The following TLE4 variants were observed in gnomAD, a reference collection of about 807,000 sequenced individuals.
The protein encoded by TLE4 is transducin-like enhancer protein 4.
Under a neutral mutation model 92.8 loss-of-function variants are expected in TLE4, and 8 were observed. That is an observed-to-expected ratio of 0.09 (90% CI 0.05 to 0.16). The LOEUF is 0.16. TLE4 is among the 10% of genes least tolerant of loss of function. The pLI, the probability that TLE4 is intolerant of heterozygous loss-of-function variation, is 1.00. For missense variants in TLE4, 675 were observed against 997.6 expected, an observed-to-expected ratio of 0.68 and a Z score of 4.36; for synonymous variants, 371 against 374.1, an observed-to-expected ratio of 0.99 and a Z score of 0.10.
chr9:79,646,459 G>T (rs2058115738), intron 6 of TLE4, among the ~76,000 whole-genome samples: 1 of 152,144 alleles, frequency 6.6e-6, no homozygotes. Context: ...TGACTTAATA[G>T]AAATATATTT....
intron 8 of TLE4, among the ~76,000 whole-genome samples, chr9:79,664,884 C>T (rs2061143581): frequency 6.6e-6 from 1 of 152,060 alleles, no homozygotes; most frequent in African/African-American, 2.4e-5. Context: ...CTCTTTGTGC[C>T]TCCCTTTTTT....
At chr9:79,623,460 A>G (rs1368456740) in intron 5 of TLE4, among the ~76,000 whole-genome samples, 1 of 152,156 alleles carries the variant, frequency 6.6e-6, no homozygotes, top group Non-Finnish European at 1.5e-5. Flanking sequence ...CTTTGTCTGA[A>G]CAAATGCCAG....
intron 7 of TLE4, 98 bp downstream of exon 7, chr9:79,652,892 C>A (rs755972445): frequency 7.9e-7 from 1 of 1,264,872 alleles, no homozygotes; most frequent in Admixed American, 1.7e-5. Context: ...TTTAGTTTTA[C>A]CAGTGACTAA....
chr9:79,605,922 C>G (rs974094290), intron 4 of TLE4, among the ~76,000 whole-genome samples: 2 of 152,038 alleles, frequency 1.3e-5, no homozygotes, highest in African/African-American at 2.4e-5. Flanking sequence ...GTTAAACTCC[C>G]TGGGGGAAGC....
At chr9:79,722,191 G>A (rs537086491) in intron 17 of TLE4, among the ~76,000 whole-genome samples, 10 of 152,000 alleles carry the variant, frequency 6.6e-5, no homozygotes, top group African/African-American at 1.2e-4. Context: ...AAAATGATAC[G>A]GTTTTATGAA....
intron 14 of TLE4, among the ~76,000 whole-genome samples, chr9:79,713,405 C>G (rs189726462): frequency 6.6e-6 from 1 of 152,290 alleles, no homozygotes; most frequent in Admixed American, 6.5e-5. Context: ...GTCTCTTATT[C>G]TCATCGCCAT....
At chr9:79,693,933 A>G (rs1032590566) in intron 8 of TLE4, among the ~76,000 whole-genome samples, 4 of 152,220 alleles carry the variant, frequency 2.6e-5, no homozygotes, top group Admixed American at 6.5e-5. Flanking sequence ...GCCAAATTGC[A>G]GTTGGCTCCA....
chr9:79,573,870 C>T lies in TLE4; in HGVS notation c.143+84C>T, dbSNP rs2036776112. ...ATACACACAAACACTTACCCTCCTCCTTTTTTGTGGGGGCGTCACAAAGGT... is the reference window on the plus strand; with the variant it reads ...ATACACACAAACACTTACCCTCCTCTTTTTTTGTGGGGGCGTCACAAAGGT... On this transcript the variant is annotated intron_variant, in intron 2 of 19. Coordinates refer to ENST00000376552, the MANE Select transcript of TLE4 (RefSeq NM_007005.6). The T allele has an allele frequency of 4.0e-6, 4 of 1,002,246 alleles. No individual in the cohort carries two copies. In the South Asian group the frequency reaches 1.2e-4, roughly 29 times the overall value. 62.1% of individuals were successfully genotyped at this position (1,002,246 alleles called of 1,614,324 possible). A position where few individuals can be genotyped will look rare whatever the true frequency, so the allele number is the denominator to read the frequency against.
At chr9:79,678,981 A>G (rs1401913886) in intron 8 of TLE4, among the ~76,000 whole-genome samples, 2 of 152,106 alleles carry the variant, frequency 1.3e-5, no homozygotes, top group East Asian at 1.9e-4. Flanking sequence ...ATAGTATTCC[A>G]TGATGTATAT....
At chr9:79,664,853 C>G (rs141872187) in intron 8 of TLE4, among the ~76,000 whole-genome samples, 421 of 152,254 alleles carry the variant, frequency 2.8e-3, no homozygotes, top group Admixed American at 6.8e-3. Context: ...TTTCAATTCC[C>G]TTCTCTTTTC....
intron 8 of TLE4, among the ~76,000 whole-genome samples, chr9:79,671,995 CTTTTTTTTT>C (rs773064446): frequency 3.5e-3 from 118 of 33,710 alleles, no homozygotes; most frequent in African/African-American, 0.015. Flanking sequence ...AAACAAAACA[CTTTTTTTTT>C]TTTTTTTTTT....
At chr9:79,616,563 T>C (rs182027624) in intron 5 of TLE4, among the ~76,000 whole-genome samples, 173 of 152,266 alleles carry the variant, frequency 1.1e-3, no homozygotes, top group African/African-American at 3.7e-3. Context: ...AATGTCCTTA[T>C]AGAAGAAAAA....
At chr9:79,660,388 A>G (rs2060357196) in intron 8 of TLE4, among the ~76,000 whole-genome samples, 1 of 152,260 alleles carries the variant, frequency 6.6e-6, no homozygotes. Flanking sequence ...CCATTAGCCA[A>G]GTAAACACAG....
intron 5 of TLE4, among the ~76,000 whole-genome samples, chr9:79,625,635 T>C (rs2052420315): frequency 6.6e-6 from 1 of 152,096 alleles, no homozygotes; most frequent in South Asian, 2.1e-4. Context: ...AATGTGAACA[T>C]GAGCTCTGTG....
Position 79,671,995 on chromosome 9 carries a change from C to CTTTT in TLE4, c.609+17946_609+17949dup, listed in dbSNP as rs773064446. 7.4e-4 allele frequency among the ~76,000 whole-genome samples: 25 copies of CTTTT among 33,716 alleles called. 4 individuals are homozygous for CTTTT. Among genetic ancestry groups the CTTTT allele is most frequent in the African/African-American group, 3.2e-3 (24 of 7,614 alleles). The allele number at this position is 33,716 out of a possible 152,430, so 22.1% of individuals were successfully genotyped here. ...CTTTTTAGGCCATTGAAACAAAACA[C>CTTTT]TTTTTTTTTTTTTTTTTTTTTTTTT... On this transcript the variant is annotated intron_variant, in intron 8 of 19. Transcript: ENST00000376552.
chr9:79,691,781 G>A (rs947382089), intron 8 of TLE4, among the ~76,000 whole-genome samples: 10 of 152,186 alleles, frequency 6.6e-5, no homozygotes, highest in African/African-American at 1.7e-4. Flanking sequence ...TTGCAGAAGC[G>A]TTTCCTGACC....
chr9:79,594,316 T>C (rs531628257), intron 4 of TLE4, among the ~76,000 whole-genome samples: 19 of 152,332 alleles, frequency 1.2e-4, no homozygotes, highest in African/African-American at 4.6e-4. Flanking sequence ...AGCCAAAACA[T>C]CTCCAAAATG....
rs1371921834 is a variant in TLE4, at chr9:79,574,922, C to G, written c.193C>G (p.Arg65Gly). 6.2e-7 allele frequency: 1 copy of G among 1,613,210 alleles called. No homozygotes were observed. Among genetic ancestry groups the G allele is most frequent in the East Asian group, 2.2e-5 (1 of 44,854 alleles). Residue 65 changes from arginine (R) to glycine (G), a missense_variant, in exon 3 of 20, where the codon CGG (arginine) becomes GGG (glycine). This residue lies in a region of TLE4 where 68 missense variants were observed against 141.2 expected (regional missense o/e 0.48). Coordinates refer to ENST00000376552, the MANE Select transcript of TLE4 (RefSeq NM_007005.6). ...KLASEKTEMQRHYVMYYEMSY... is the reference protein window; with the variant it reads ...KLASEKTEMQGHYVMYYEMSY... ...CGCCAGTGAGAAGACAGAGATGCAG[C>G]GGCATTATGTCATGGTAAGAAAACC... is the stretch of plus-strand genomic sequence containing the variant.
chr9:79,651,680 A>G (rs571300984), intron 6 of TLE4, among the ~76,000 whole-genome samples: 3 of 152,202 alleles, frequency 2.0e-5, no homozygotes, highest in East Asian at 1.9e-4. Context: ...GCCTTGCTAC[A>G]TTAGATTTTC....
Sources: allele counts gnomAD v4.1 joint callset (sites outside exome capture counted in the v4.1 genomes callset), GRCh38; gene constraint gnomAD v4.1.1; regional missense constraint gnomAD v4.1.1; transcripts MANE v1.5; gene names NCBI Gene and HGNC (gene_info 2026-07-23, HGNC 2026-07-21).